Variants in SMAD5 observed in about 807,000 individuals in gnomAD.
SMAD5 encodes SMAD family member 5.
In SMAD5, 9 loss-of-function variants were observed where a neutral mutation model predicts 43.1. The ratio of observed to expected loss-of-function variants is 0.21; its 90% CI spans 0.13 to 0.36. SMAD5 has a LOEUF of 0.36. Among genes scored for constraint, SMAD5 ranks in the 10% least tolerant of loss-of-function variants. The probability of loss-of-function intolerance (pLI) is 1.00; values close to 1 mark genes in which losing one functional copy is unlikely to be tolerated. For synonymous variants in SMAD5, 190 were observed against 192.4 expected (o/e 0.99, Z 0.10); for missense variants, 348 against 574.0 (o/e 0.61, Z 4.02).
At position 136,164,738 on chromosome 5, in the gene SMAD5, GT is replaced by G. The variant is rs1270180140; in HGVS notation, c.775+1353del. 4.6e-5 allele frequency among the ~76,000 whole-genome samples: 7 copies of G among 151,970 alleles called. No individual in the cohort carries two copies. In the East Asian group the frequency reaches 9.6e-4, roughly 21 times the overall value. ...AATTTTGATGAAATCCATTTTGTCA[GT>G]TTTTTCATTTCTAGATTATGCTTTT... On this transcript the variant is annotated intron_variant, in intron 5 of 7. Coordinates refer to ENST00000545279, the MANE Select transcript of SMAD5 (RefSeq NM_005903.7).
intron 7 of SMAD5, among the ~76,000 whole-genome samples, 164 bp from the exon 8 acceptor site, chr5:136,177,173 A>G (rs978984756): frequency 6.6e-6 from 1 of 152,160 alleles, no homozygotes; most frequent in Non-Finnish European, 1.5e-5. Flanking sequence ...GTTGTCTTTT[A>G]ATTTCATGGT....
At chr5:136,150,861 C>T (rs1167824972) in intron 2 of SMAD5, among the ~76,000 whole-genome samples, 1 of 151,962 alleles carries the variant, frequency 6.6e-6, no homozygotes, top group Admixed American at 6.6e-5. Flanking sequence ...TTTAATATTT[C>T]TGTGACTTAG....
At chr5:136,165,373 TTTTG>T (rs912211259) in intron 5 of SMAD5, among the ~76,000 whole-genome samples, 15 of 151,984 alleles carry the variant, frequency 9.9e-5, no homozygotes, top group Non-Finnish European at 1.6e-4. Flanking sequence ...CCCTGTTTTT[TTTTG>T]TTTGTTTGTT....
intron 5 of SMAD5, among the ~76,000 whole-genome samples, chr5:136,170,478 C>A (rs1480448256): frequency 1.3e-5 from 2 of 152,048 alleles, no homozygotes; most frequent in Non-Finnish European, 2.9e-5. Context: ...ATCTTGATTA[C>A]TGTATCTTTA....
At chr5:136,154,361 C>T (rs1753563760) in intron 3 of SMAD5, among the ~76,000 whole-genome samples, 198 bp downstream of exon 3, 2 of 152,042 alleles carry the variant, frequency 1.3e-5, no homozygotes, top group South Asian at 4.1e-4. Context: ...AGGTGGCTTA[C>T]TCTAATTCAT....
chr5:136,169,315 G>A (rs1309290157), intron 5 of SMAD5, among the ~76,000 whole-genome samples: 1 of 152,176 alleles, frequency 6.6e-6, no homozygotes. Context: ...CAGCTGATTA[G>A]ATGGTGCCTA....
At position 136,163,458 on chromosome 5, in the gene SMAD5, T is replaced by A. The variant is rs1753894858; in HGVS notation, c.775+67T>A. The A allele has an allele frequency of 1.5e-5, 19 of 1,302,168 alleles. No individual in the cohort carries two copies. The South Asian group carries it at 2.7e-4, about 19-fold the overall frequency. 80.7% of individuals were successfully genotyped at this position (1,302,168 alleles called of 1,614,324 possible). On this transcript the variant is annotated intron_variant, in intron 5 of 7. Transcript: ENST00000545279. ...GTTTTTAACTTATTGGCTACTTTTT[T>A]AAAAACAGCTTTATTGAGGTATAAT...
At chr5:136,135,916 A>G (rs1405495519) in intron 1 of SMAD5, among the ~76,000 whole-genome samples, 1 of 152,202 alleles carries the variant, frequency 6.6e-6, no homozygotes, top group Non-Finnish European at 1.5e-5. Context: ...TATTTCTTCA[A>G]ATGTTACAAG....
chr5:136,158,225 A>AT (rs1753705744), intron 3 of SMAD5, among the ~76,000 whole-genome samples: 1 of 152,140 alleles, frequency 6.6e-6, no homozygotes. Context: ...AGAACAAAGG[A>AT]TAAAAAAAGC....
chr5:136,152,406 A>C (rs1753501910), intron 2 of SMAD5, among the ~76,000 whole-genome samples: 1 of 151,964 alleles, frequency 6.6e-6, no homozygotes, highest in East Asian at 1.9e-4. Context: ...CATTATCTTT[A>C]TTTACTTTAT....
intron 5 of SMAD5, among the ~76,000 whole-genome samples, chr5:136,171,107 C>T (rs1208678185): frequency 6.6e-6 from 1 of 152,120 alleles, no homozygotes; most frequent in Non-Finnish European, 1.5e-5. Flanking sequence ...GGAGAGGAGG[C>T]ATCTTTGCTT....
At chr5:136,134,248 C>T (rs999272095) in intron 1 of SMAD5, 7 of 152,558 alleles carry the variant, frequency 4.6e-5, no homozygotes, top group Admixed American at 4.6e-4. Flanking sequence ...CGTGGCTTGG[C>T]CTCACAGAAG....
At chr5:136,147,691 A>G (rs188457182) in intron 1 of SMAD5, 141 bp from the exon 2 acceptor site, 3 of 152,010 alleles carry the variant, frequency 2.0e-5, no homozygotes, top group Admixed American at 6.6e-5. Flanking sequence ...TTGAAATTTA[A>G]TGATTTTTGG....
chr5:136,172,640 C>T lies in SMAD5; in HGVS notation c.982C>T (p.Arg328Ter). The change falls in exon 6 of 8, where the codon CGA becomes TGA. Residue 328 changes from arginine to a stop codon, truncating the protein, a stop_gained. Transcript: ENST00000545279. LOFTEE classifies it high-confidence loss of function. ...TAATTCGACAATTGAAAACACTAGGCGACATATTGGAAAAGGTAATCTTGT... is the reference window on the plus strand; with the variant it reads ...TAATTCGACAATTGAAAACACTAGGTGACATATTGGAAAAGGTAATCTTGT... ...NRNSTIENTRRHIGKGVHLYY... is the reference protein window; with the variant it reads ...NRNSTIENTR 1 of 1,595,458 alleles carries T rather than the reference C, an allele frequency of 6.3e-7. No individual in the cohort carries two copies. The highest frequency in any genetic ancestry group is 8.6e-7 in the Non-Finnish European group (1 of 1,163,274).
rs781626016 is a variant in SMAD5, at chr5:136,163,401, G to T, written c.775+10G>T. ...AGTATATCCAGCAGGGGTAAGAGAA[G>T]TACTCACTTCATTTATTTTATAGTA... On this transcript the variant is annotated intron_variant, in intron 5 of 7. Transcript: ENST00000545279. 1.9e-6 allele frequency: 3 copies of T among 1,581,046 alleles called. No individual in the cohort carries two copies. The highest frequency in any genetic ancestry group is 1.7e-4 in the Middle Eastern group (1 of 5,938).
intron 1 of SMAD5, among the ~76,000 whole-genome samples, chr5:136,143,513 AC>A (rs1275229197): frequency 6.6e-6 from 1 of 151,730 alleles, no homozygotes; most frequent in Non-Finnish European, 1.5e-5. Flanking sequence ...TCCCTGTTTG[AC>A]CTTCATTCTG....
At chr5:136,171,430 C>T (rs1013247724) in intron 5 of SMAD5, among the ~76,000 whole-genome samples, 3 of 152,178 alleles carry the variant, frequency 2.0e-5, no homozygotes, top group African/African-American at 2.4e-5. Context: ...TGTTTTGAAC[C>T]AAGGCCTGGG....
At position 136,154,156 on chromosome 5, in the gene SMAD5, G is replaced by A; in HGVS notation, c.396G>A (p.Glu132=). The part of the protein sequence containing the change: ...CINPYHYKRV[E]SPVLPPVLVP... Reference sequence around the variant, plus strand: ...ACCCATACCACTATAAGAGAGTGGAGAGTCCAGGTAGGTCTTATTCCTGAG... The same window carrying A: ...ACCCATACCACTATAAGAGAGTGGAAAGTCCAGGTAGGTCTTATTCCTGAG... The change falls in exon 3 of 8, where the codon GAG becomes GAA. Residue 132 remains glutamate (E), a synonymous_variant. Transcript: ENST00000545279. 5.2e-6 allele frequency: 8 copies of A among 1,551,720 alleles called. No individual in the cohort carries two copies. Among genetic ancestry groups the A allele is most frequent in the Non-Finnish European group, 6.9e-6 (8 of 1,153,456 alleles).
chr5:136,161,213 G>C (rs1339104941), intron 4 of SMAD5, 106 bp downstream of exon 4: 1 of 932,730 alleles, frequency 1.1e-6, no homozygotes, highest in East Asian at 2.5e-5. Flanking sequence ...AGGTATAATA[G>C]CTGTTTCTGA....
Sources: gnomAD v4.1 joint callset for allele counts (sites outside exome capture counted in the v4.1 genomes callset) on GRCh38, gnomAD v4.1.1 for gene constraint, MANE v1.5 for transcripts, NCBI Gene and HGNC (gene_info 2026-07-23, HGNC 2026-07-21) for gene names.